Variants in EZR observed in about 807,000 individuals in gnomAD.
EZR encodes the protein ezrin.
Under a neutral mutation model 74.8 loss-of-function variants are expected in EZR, and 40 were observed. The ratio of observed to expected loss-of-function variants is 0.53; its 90% CI spans 0.42 to 0.70. EZR has a LOEUF of 0.70. Among genes scored for constraint, EZR ranks in the 30% least tolerant of loss-of-function variants. EZR has a pLI of 0.00. For synonymous variants in EZR, 341 were observed against 283.3 expected, an observed-to-expected ratio of 1.20 and a Z score of -2.05; for missense variants, 678 against 755.8, an observed-to-expected ratio of 0.90 and a Z score of 1.21.
intron 2 of EZR, among the ~76,000 whole-genome samples, chr6:158,805,253 C>T (rs1478258510): frequency 1.3e-5 from 2 of 148,386 alleles, no homozygotes; most frequent in Admixed American, 1.4e-4. Context: ...GCAGGAGAAT[C>T]GCTTGAACCA....
At chr6:158,800,959 G>A (rs895911705) in intron 2 of EZR, among the ~76,000 whole-genome samples, 1 of 152,086 alleles carries the variant, frequency 6.6e-6, no homozygotes, top group Non-Finnish European at 1.5e-5. Flanking sequence ...GGTTAAAGAA[G>A]AACATGAGCG....
intron 2 of EZR, among the ~76,000 whole-genome samples, chr6:158,815,299 T>C (rs1583592992): frequency 6.6e-6 from 1 of 152,218 alleles, no homozygotes; most frequent in Non-Finnish European, 1.5e-5. Flanking sequence ...TATTCAAATA[T>C]GTGCAACCTA....
Position 158,769,855 on chromosome 6 carries a change from T to C in EZR, c.1180A>G (p.Met394Val), listed in dbSNP as rs958775616. 5.6e-6 allele frequency: 9 copies of C among 1,613,792 alleles called. No homozygotes were observed. The highest frequency in any genetic ancestry group is 7.6e-6 in the Non-Finnish European group (9 of 1,180,028). The change falls in exon 11 of 14, where the codon ATG becomes GTG. Residue 394 changes from methionine to valine, a missense_variant. Coordinates refer to ENST00000367075, the MANE Select transcript of EZR (RefSeq NM_001111077.2). ...TCCTCCTTAGCCCGCAGTGCAGCCA[T>C]ACGGTCAGCCTCTAGGCGCTCGGCC... ...EEAERLEADR[M>V]AALRAKEELE...
intron 2 of EZR, among the ~76,000 whole-genome samples, chr6:158,804,768 T>TTA (rs1248815242): frequency 6.0e-5 from 9 of 149,838 alleles, no homozygotes; most frequent in Non-Finnish European, 8.9e-5. Flanking sequence ...TTTTTCTTAT[T>TTA]TTTTTTTATT....
intron 2 of EZR, among the ~76,000 whole-genome samples, chr6:158,807,349 G>C (rs1396956967): frequency 6.6e-6 from 1 of 151,056 alleles, no homozygotes; most frequent in Non-Finnish European, 1.5e-5. Context: ...AAAAAGACAA[G>C]GCTGGATCCC....
intron 10 of EZR, among the ~76,000 whole-genome samples, 194 bp downstream of exon 10, chr6:158,770,567 GAAC>G (rs766196821): frequency 6.6e-6 from 1 of 152,196 alleles, no homozygotes; most frequent in Non-Finnish European, 1.5e-5. Context: ...CAAAGTCTTA[GAAC>G]AACTAGCATC....
chr6:158,770,332 C>T (rs551063571), intron 10 of EZR, among the ~76,000 whole-genome samples: 5 of 152,286 alleles, frequency 3.3e-5, no homozygotes, highest in East Asian at 1.9e-4. Flanking sequence ...CTTGTGTAAT[C>T]GGCCCAGCTG....
intron 7 of EZR, among the ~76,000 whole-genome samples, chr6:158,778,307 A>C (rs1176874021): frequency 6.6e-6 from 1 of 152,222 alleles, no homozygotes; most frequent in Non-Finnish European, 1.5e-5. Flanking sequence ...TGACCTTAGA[A>C]AATTTAGGCC....
chr6:158,788,912 G>A (rs1313774220), intron 3 of EZR, among the ~76,000 whole-genome samples: 2 of 152,172 alleles, frequency 1.3e-5, no homozygotes, highest in East Asian at 3.8e-4. Context: ...TGGAGGTGGA[G>A]GCAGCTGCGG....
intron 8 of EZR, among the ~76,000 whole-genome samples, chr6:158,772,586 C>T (rs535013306): frequency 1.8e-4 from 27 of 152,334 alleles, no homozygotes; most frequent in Non-Finnish European, 2.6e-4. Flanking sequence ...TCGGGAAACT[C>T]GTGACCATGA....
At chr6:158,816,672 T>C (rs952579566) in intron 2 of EZR, among the ~76,000 whole-genome samples, 4 of 152,150 alleles carry the variant, frequency 2.6e-5, no homozygotes, top group Non-Finnish European at 5.9e-5. Context: ...ATGAATCATC[T>C]TGATGTAACT....
Position 158,791,300 on chromosome 6 carries a change from T to C in EZR, c.13-1929A>G, listed in dbSNP as rs369259064. ...GCAACGAGACATGTTTTAAAGTCTT[T>C]AATCATACTAAAATATAAAAACCTA... On this transcript the variant is annotated intron_variant, in intron 2 of 13. Coordinates refer to ENST00000367075, the MANE Select transcript of EZR (RefSeq NM_001111077.2). Among the ~76,000 whole-genome samples, 130 of 152,386 alleles carry C rather than the reference T, an allele frequency of 8.5e-4. 1 individual carries two copies. The highest frequency in any genetic ancestry group is 2.9e-3 in the African/African-American group (122 of 41,592).
chr6:158,804,996 G>A (rs1307041519), intron 2 of EZR, among the ~76,000 whole-genome samples: 2 of 141,358 alleles, frequency 1.4e-5, no homozygotes, highest in Non-Finnish European at 3.0e-5. Context: ...TCCCACCTAT[G>A]AGTGAGAATA....
At chr6:158,807,508 G>A (rs1777368635) in intron 2 of EZR, among the ~76,000 whole-genome samples, 1 of 152,112 alleles carries the variant, frequency 6.6e-6, no homozygotes, top group African/African-American at 2.4e-5. Context: ...CCAAACCCTT[G>A]CAAAAACAAG....
chr6:158,769,333 T>G lies in EZR; in HGVS notation c.1337A>C (p.Gln446Pro). 1.9e-6 allele frequency: 3 copies of G among 1,609,586 alleles called. No individual in the cohort carries two copies. Among genetic ancestry groups the G allele is most frequent in the Non-Finnish European group, 2.5e-6 (3 of 1,179,980 alleles). ...TCCCCCGTGCAGACTCACCCTGTGC[T>G]GCCACTCTTCAACTTCATCCTCCTT... Reference protein sequence around the residue: ...RRKEDEVEEWQHRAKEAQDDL... With the variant: ...RRKEDEVEEWPHRAKEAQDDL... Residue 446 changes from glutamine to proline, a missense_variant, in exon 12 of 14, where the codon CAG becomes CCG. Transcript: ENST00000367075.
intron 7 of EZR, among the ~76,000 whole-genome samples, chr6:158,780,619 G>C (rs1273091302): frequency 2.0e-5 from 3 of 152,198 alleles, no homozygotes; most frequent in African/African-American, 7.2e-5. Context: ...TGGACCTAGT[G>C]CATTTCCAGA....
chr6:158,787,258 A>G, intron 3 of EZR, 55 bp from the exon 4 acceptor site: 1 of 1,474,480 alleles, frequency 6.8e-7, no homozygotes, highest in East Asian at 2.3e-5. Flanking sequence ...CAAAAGGGCA[A>G]CAGCTTTTGG....
chr6:158,803,565 AT>A (rs1777245616), intron 2 of EZR, among the ~76,000 whole-genome samples: 2 of 4,266 alleles, frequency 4.7e-4, no homozygotes, highest in Non-Finnish European at 9.7e-4. Context: ...ATATATATAT[AT>A]ATATATATAT....
chr6:158,798,442 A>C (rs1777119063), intron 2 of EZR, among the ~76,000 whole-genome samples: 2 of 152,350 alleles, frequency 1.3e-5, no homozygotes, highest in African/African-American at 4.8e-5. Flanking sequence ...GCTGGCTGCC[A>C]AACTGACACC....
Sources: allele counts gnomAD v4.1 joint callset (sites outside exome capture counted in the v4.1 genomes callset), GRCh38; gene constraint gnomAD v4.1.1; transcripts MANE v1.5; gene names NCBI Gene and HGNC (gene_info 2026-07-23, HGNC 2026-07-21).